SMYD3: variants seen among roughly 807,000 people sequenced by gnomAD.
SMYD3 encodes the protein histone-lysine N-methyltransferase SMYD3.
In SMYD3, 36 loss-of-function variants were observed where a neutral mutation model predicts 57.7. The ratio of observed to expected loss-of-function variants is 0.62; its 90% CI spans 0.48 to 0.82. SMYD3 has a LOEUF of 0.82. Among genes scored for constraint, SMYD3 ranks in the 40% least tolerant of loss-of-function variants. The probability of loss-of-function intolerance (pLI) is 0.00; values close to 1 mark genes in which losing one functional copy is unlikely to be tolerated. For missense variants in SMYD3, 515 were observed against 538.8 expected, an observed-to-expected ratio of 0.96 and a Z score of 0.44; for synonymous variants, 211 against 195.0, an observed-to-expected ratio of 1.08 and a Z score of -0.68.
chr1:246,216,270 G>A lies in SMYD3; in HGVS notation c.531+110931C>T, dbSNP rs1039259217. Among the ~76,000 whole-genome samples the A allele has an allele frequency of 1.4e-5, 2 of 139,576 alleles. 1 individual carries two copies. Among genetic ancestry groups the A allele is most frequent in the Non-Finnish European group, 3.0e-5 (2 of 66,562 alleles). 91.6% of individuals were successfully genotyped at this position (139,576 alleles called of 152,430 possible). ...CCATGGCACTCCTGCCTGGGCAGTA[G>A]AGTAAGACTCCATTTCAAAAAAAAA... is the stretch of plus-strand genomic sequence containing the variant. On this transcript the variant is annotated intron_variant, in intron 5 of 11. Transcript: ENST00000490107.
chr1:246,446,161 T>C (rs1352564287), intron 1 of SMYD3, among the ~76,000 whole-genome samples: 1 of 152,222 alleles, frequency 6.6e-6, no homozygotes, highest in Non-Finnish European at 1.5e-5. Context: ...GTGAAGAGGA[T>C]ACTGCATTGT....
At chr1:246,116,239 CACACACACAT>C (rs1418682171) in intron 5 of SMYD3, among the ~76,000 whole-genome samples, 3 of 136,426 alleles carry the variant, frequency 2.2e-5, no homozygotes, top group Non-Finnish European at 3.1e-5. Flanking sequence ...CACACACACA[CACACACACAT>C]TCTGCTAAAT....
intron 7 of SMYD3, among the ~76,000 whole-genome samples, chr1:245,922,854 T>TA (rs747989907): frequency 8.6e-5 from 13 of 151,942 alleles, no homozygotes; most frequent in African/African-American, 2.7e-4. Flanking sequence ...TTCCATAAAA[T>TA]AAAAAAAATG....
At chr1:245,935,461 G>A (rs1342340268) in intron 5 of SMYD3, among the ~76,000 whole-genome samples, 3 of 152,186 alleles carry the variant, frequency 2.0e-5, no homozygotes. Flanking sequence ...GTCTACATTA[G>A]TCCAGCCATT....
chr1:246,166,373 A>C lies in SMYD3; in HGVS notation c.531+160828T>G, dbSNP rs1572140990. 2.6e-5 allele frequency among the ~76,000 whole-genome samples: 4 copies of C among 152,178 alleles called. No homozygotes were observed. The South Asian group carries it at 8.3e-4, about 32-fold the overall frequency. On this transcript the variant is annotated intron_variant, in intron 5 of 11. Coordinates refer to ENST00000490107, the MANE Select transcript of SMYD3 (RefSeq NM_001167740.2). Reference sequence around the variant, plus strand: ...CATTTGCTCCAGCATGCATGACTGAAACCTACCCTGATTAGGAGGAGGATA... The same window carrying C: ...CATTTGCTCCAGCATGCATGACTGACACCTACCCTGATTAGGAGGAGGATA...
At chr1:245,991,358 T>C (rs1470178423) in intron 5 of SMYD3, among the ~76,000 whole-genome samples, 1 of 152,216 alleles carries the variant, frequency 6.6e-6, no homozygotes, top group Non-Finnish European at 1.5e-5. Flanking sequence ...TAGACAGAGA[T>C]ACCAGCAGAG....
At chr1:245,927,156 C>T (rs946804224) in intron 7 of SMYD3, among the ~76,000 whole-genome samples, 4 of 152,186 alleles carry the variant, frequency 2.6e-5, no homozygotes, top group Admixed American at 2.6e-4. Context: ...GAGAAGGAAA[C>T]GGGGTTCTGG....
At chr1:245,926,452 G>T (rs1200838519) in intron 7 of SMYD3, among the ~76,000 whole-genome samples, 1 of 152,154 alleles carries the variant, frequency 6.6e-6, no homozygotes, top group African/African-American at 2.4e-5. Context: ...GCCTTGCTAA[G>T]TACCACAGGG....
At chr1:245,765,282 A>G (rs1274136616) in intron 10 of SMYD3, among the ~76,000 whole-genome samples, 2 of 151,558 alleles carry the variant, frequency 1.3e-5, no homozygotes, top group Non-Finnish European at 2.9e-5. Context: ...CTGTAGTCCC[A>G]GCTACCTAGG....
intron 10 of SMYD3, among the ~76,000 whole-genome samples, chr1:245,801,176 G>A (rs1038710672): frequency 2.6e-5 from 4 of 152,288 alleles, no homozygotes; most frequent in Admixed American, 6.5e-5. Context: ...GGTGTGCTAC[G>A]TATTATACTA....
At chr1:245,849,840 A>G (rs2050869449) in intron 10 of SMYD3, among the ~76,000 whole-genome samples, 1 of 151,984 alleles carries the variant, frequency 6.6e-6, no homozygotes, top group Non-Finnish European at 1.5e-5. Flanking sequence ...TTTAGTAGAG[A>G]TGGGGTTTCA....
chr1:246,332,942 A>G (rs2065483609), intron 3 of SMYD3, among the ~76,000 whole-genome samples: 1 of 152,242 alleles, frequency 6.6e-6, no homozygotes, highest in African/African-American at 2.4e-5. Context: ...CAGATTTTTA[A>G]TGTAGATGAA....
chr1:246,431,322 C>T (rs1293234196), intron 1 of SMYD3, among the ~76,000 whole-genome samples: 1 of 152,178 alleles, frequency 6.6e-6, no homozygotes, highest in Non-Finnish European at 1.5e-5. Flanking sequence ...AATTACAATG[C>T]TAACTTTTTA....
intron 10 of SMYD3, among the ~76,000 whole-genome samples, chr1:245,774,609 A>T (rs1024132291): frequency 6.6e-6 from 1 of 152,060 alleles, no homozygotes; most frequent in Non-Finnish European, 1.5e-5. Context: ...TATACACTTT[A>T]AATGGATAAA....
chr1:246,218,490 G>A (rs1462456342), intron 5 of SMYD3, among the ~76,000 whole-genome samples: 3 of 152,048 alleles, frequency 2.0e-5, no homozygotes, highest in East Asian at 1.9e-4. Flanking sequence ...AGGGGGTGGC[G>A]GGCGGCTGTA....
intron 1 of SMYD3, among the ~76,000 whole-genome samples, chr1:246,372,092 A>C (rs1410309349): frequency 6.6e-6 from 1 of 152,280 alleles, no homozygotes; most frequent in Non-Finnish European, 1.5e-5. Flanking sequence ...AGAAACCTTC[A>C]AAGAAGAGGC....
intron 10 of SMYD3, among the ~76,000 whole-genome samples, chr1:245,834,587 G>A (rs1449956833): frequency 3.9e-5 from 6 of 152,184 alleles, no homozygotes; most frequent in Non-Finnish European, 8.8e-5. Context: ...AGTGGCAGGT[G>A]GGTAAGCTGA....
intron 5 of SMYD3, among the ~76,000 whole-genome samples, chr1:246,138,120 A>G (rs1252096846): frequency 6.6e-6 from 1 of 152,116 alleles, no homozygotes; most frequent in Non-Finnish European, 1.5e-5. Context: ...TGTCTTACTC[A>G]TTTTCCTCAT....
Position 246,395,476 on chromosome 1 carries a change from C to T in SMYD3, c.165-40382G>A, listed in dbSNP as rs1434507956. ...CAAAGAGTCATTTCAATCATCCTCA[C>T]GGGTTCTCTTAAAATAGACAAGGCA... On this transcript the variant is annotated intron_variant, in intron 1 of 11. Coordinates refer to ENST00000490107, the MANE Select transcript of SMYD3 (RefSeq NM_001167740.2). Among the ~76,000 whole-genome samples, 8 of 152,268 alleles carry T rather than the reference C, an allele frequency of 5.3e-5. 1 individual carries two copies. Among genetic ancestry groups the T allele is most frequent in the South Asian group, 4.1e-4 (2 of 4,836 alleles).
Sources: allele counts gnomAD v4.1 joint callset (sites outside exome capture counted in the v4.1 genomes callset), GRCh38; gene constraint gnomAD v4.1.1; transcripts MANE v1.5; gene names NCBI Gene and HGNC (gene_info 2026-07-23, HGNC 2026-07-21).